Variants in NYAP2 observed in about 807,000 individuals in gnomAD.
NYAP2 encodes neuronal tyrosine-phosphorylated phosphoinositide-3-kinase adaptor 2.
A neutral mutation model predicts 50.4 loss-of-function variants in NYAP2; 23 were observed. That is an observed-to-expected ratio of 0.46 (90% CI 0.33 to 0.65). NYAP2 has a LOEUF of 0.65. NYAP2 is among the 30% of genes least tolerant of loss of function. The probability of loss-of-function intolerance (pLI) is 0.02; values close to 1 mark genes in which losing one functional copy is unlikely to be tolerated. For missense variants in NYAP2, 885 were observed against 861.0 expected (o/e 1.03, Z -0.35); for synonymous variants, 394 against 365.2 (o/e 1.08, Z -0.90).
At chr2:225,683,094 A>G in the NYAP2 span, among the ~76,000 whole-genome samples, 2 of 152,186 alleles carry the variant, frequency 1.3e-5, no homozygotes, top group African/African-American at 2.4e-5. Context: ...CATACAACTG[A>G]AAGATATCAT....
At chr2:225,408,497 A>G (rs1393180984) in intron 2 of NYAP2, among the ~76,000 whole-genome samples, 1 of 152,080 alleles carries the variant, frequency 6.6e-6, no homozygotes, top group Non-Finnish European at 1.5e-5. Context: ...AATCAGAAAT[A>G]CATGAAGTTT....
At chr2:225,439,594 T>C (rs1171382449) in intron 3 of NYAP2, among the ~76,000 whole-genome samples, 1 of 152,136 alleles carries the variant, frequency 6.6e-6, no homozygotes, top group East Asian at 1.9e-4. Flanking sequence ...TGAGTCCGTT[T>C]TCATGAGACA....
chr2:225,485,956 A>G (rs555486565), intron 3 of NYAP2, among the ~76,000 whole-genome samples: 1 of 152,304 alleles, frequency 6.6e-6, no homozygotes, highest in Admixed American at 6.5e-5. Flanking sequence ...TCCCCCAGTC[A>G]TGACAGTCAG....
intron 4 of NYAP2, among the ~76,000 whole-genome samples, chr2:225,579,735 C>A (rs575407273): frequency 2.0e-5 from 3 of 152,346 alleles, no homozygotes; most frequent in Non-Finnish European, 2.9e-5. Context: ...GAATCCCACA[C>A]TGTAGCCTCC....
chr2:225,643,019 C>G (rs1693559525), intron 6 of NYAP2, among the ~76,000 whole-genome samples: 1 of 151,934 alleles, frequency 6.6e-6, no homozygotes, highest in African/African-American at 2.4e-5. Flanking sequence ...AAATGCTGAC[C>G]AGAAAACAGG....
the NYAP2 span, among the ~76,000 whole-genome samples, chr2:225,662,688 T>G: frequency 6.6e-6 from 1 of 152,166 alleles, no homozygotes; most frequent in African/African-American, 2.4e-5. Flanking sequence ...TCCCAGAAAA[T>G]GAGAAAGTTA....
intron 3 of NYAP2, among the ~76,000 whole-genome samples, chr2:225,440,392 G>T (rs544287671): frequency 1.3e-5 from 2 of 152,270 alleles, no homozygotes; most frequent in African/African-American, 2.4e-5. Context: ...ATAATTTAGG[G>T]TGAAGCATGT....
At chr2:225,499,914 G>C (rs1690575084) in intron 3 of NYAP2, among the ~76,000 whole-genome samples, 1 of 152,180 alleles carries the variant, frequency 6.6e-6, no homozygotes, top group South Asian at 2.1e-4. Context: ...GATGAAGCAG[G>C]AGCTCACGAT....
intron 3 of NYAP2, among the ~76,000 whole-genome samples, chr2:225,490,041 T>A (rs1472978684): frequency 1.3e-5 from 2 of 152,228 alleles, no homozygotes; most frequent in Non-Finnish European, 2.9e-5. Flanking sequence ...ATGCACATTC[T>A]GATATTGTTC....
At chr2:225,455,630 A>G (rs78292123) in intron 3 of NYAP2, among the ~76,000 whole-genome samples, 1,943 of 152,346 alleles carry the variant, frequency 0.013, 25 homozygotes, top group Middle Eastern at 0.082. Flanking sequence ...AACATGGCAT[A>G]TACTCCTATA....
chr2:225,534,958 G>A (rs1363705713), intron 4 of NYAP2, among the ~76,000 whole-genome samples: 2 of 152,176 alleles, frequency 1.3e-5, no homozygotes, highest in African/African-American at 4.8e-5. Flanking sequence ...AGGACTTGCT[G>A]GAAATGCAGC....
At chr2:225,646,468 T>C (rs1222008869) in intron 6 of NYAP2, among the ~76,000 whole-genome samples, 2 of 152,138 alleles carry the variant, frequency 1.3e-5, no homozygotes, top group Non-Finnish European at 2.9e-5. Context: ...GGAGAATCAC[T>C]TGAACCTGGG....
intron 4 of NYAP2, among the ~76,000 whole-genome samples, chr2:225,527,772 C>G (rs897361561): frequency 1.3e-5 from 2 of 152,126 alleles, no homozygotes; most frequent in Non-Finnish European, 1.5e-5. Context: ...CTCAGCCTCT[C>G]AAGTAGCTTG....
At chr2:225,400,441 G>A (rs1458700483) in intron 1 of NYAP2, 120 bp from the exon 2 acceptor site, 1 of 151,984 alleles carries the variant, frequency 6.6e-6, no homozygotes, top group Non-Finnish European at 1.5e-5. Context: ...GCCACAAGCT[G>A]GGCTGCTCCA....
At chr2:225,460,907 G>A (rs111574342) in intron 3 of NYAP2, among the ~76,000 whole-genome samples, 1,888 of 150,122 alleles carry the variant, frequency 0.013, 45 homozygotes, top group African/African-American at 0.045. Context: ...GCAAGAGAAT[G>A]GTGTGAACCT....
chr2:225,641,065 G>A (rs919625100), intron 6 of NYAP2, among the ~76,000 whole-genome samples: 6 of 152,060 alleles, frequency 3.9e-5, no homozygotes, highest in Non-Finnish European at 7.4e-5. Flanking sequence ...CACAATGACA[G>A]TGTGCTGACT....
At chr2:225,658,113 A>G (rs1279570038), downstream of NYAP2, among the ~76,000 whole-genome samples, 2 of 152,218 alleles carry the variant, frequency 1.3e-5, no homozygotes, top group Non-Finnish European at 2.9e-5. Context: ...CATGATGGAA[A>G]TGGAAGAAAA....
At chr2:225,495,072 C>T (rs970043323) in intron 3 of NYAP2, among the ~76,000 whole-genome samples, 1 of 152,054 alleles carries the variant, frequency 6.6e-6, no homozygotes, top group Admixed American at 6.6e-5. Context: ...TACATGTGTG[C>T]TTATTTTAAT....
intron 4 of NYAP2, among the ~76,000 whole-genome samples, chr2:225,574,357 G>A (rs1692131047): frequency 6.6e-6 from 1 of 152,162 alleles, no homozygotes; most frequent in Non-Finnish European, 1.5e-5. Context: ...AGTTCAGTTA[G>A]ACTCATGTCC....
Sources: gnomAD v4.1 joint callset for allele counts (sites outside exome capture counted in the v4.1 genomes callset) on GRCh38, gnomAD v4.1.1 for gene constraint, MANE v1.5 for transcripts, NCBI Gene and HGNC (gene_info 2026-07-23, HGNC 2026-07-21) for gene names.